The following CCDC73 variants were observed in gnomAD, a reference collection of about 807,000 sequenced individuals.
The protein encoded by CCDC73 is coiled-coil domain-containing protein 73.
A neutral mutation model predicts 116.5 loss-of-function variants in CCDC73; 95 were observed. The ratio of observed to expected loss-of-function variants is 0.82; its 90% confidence interval spans 0.69 to 0.97. The LOEUF is 0.97. Ranked by LOEUF, CCDC73 falls within the 50% of genes least tolerant of loss-of-function variation. The pLI is 0.00. For synonymous variants in CCDC73, 398 were observed against 401.3 expected, an observed-to-expected ratio of 0.99 and a Z score of 0.10; for missense variants, 1,066 against 1,206.8, an observed-to-expected ratio of 0.88 and a Z score of 1.73.
chr11:32,718,006 T>TG, intron 3 of CCDC73, 70 bp downstream of exon 3: 2 of 1,053,034 alleles, frequency 1.9e-6, no homozygotes, highest in Admixed American at 2.1e-5. Context: ...CCTTGACACG[T>TG]GGGGGTTACG....
intron 6 of CCDC73, among the ~76,000 whole-genome samples, chr11:32,694,255 T>C (rs769230839): frequency 2.6e-5 from 4 of 152,120 alleles, no homozygotes; most frequent in Non-Finnish European, 4.4e-5. Context: ...ATCACAAGCA[T>C]TCCTATACAC....
Position 32,602,848 on chromosome 11 carries a change from GCTTTT to G in CCDC73, c.3198_3202del (p.Arg1066SerfsTer15). On this transcript the variant is annotated frameshift_variant, in exon 18 of 18. Transcript: ENST00000335185. LOFTEE classifies it high-confidence loss of function. ...GTTGTTTTTTTCCAACGTCTCTTCTGCTTTTCTTTTCTTTGGCTGGTTGTCATTTT... is the reference window on the plus strand; with the variant it reads ...GTTGTTTTTTTCCAACGTCTCTTCTGCTTTTCTTTGGCTGGTTGTCATTTT... 1 of 1,608,500 alleles carries G rather than the reference GCTTTT, an allele frequency of 6.2e-7. No individual in the cohort carries two copies. The highest frequency in any genetic ancestry group is 8.5e-7 in the Non-Finnish European group (1 of 1,177,708).
chr11:32,692,254 T>C (rs1590597167), intron 6 of CCDC73, among the ~76,000 whole-genome samples: 1 of 152,200 alleles, frequency 6.6e-6, no homozygotes, highest in East Asian at 1.9e-4. Context: ...TTGAGAAGGA[T>C]GCATTTTTCA....
chr11:32,606,609 A>G (rs1444070087), intron 17 of CCDC73, among the ~76,000 whole-genome samples: 1 of 152,184 alleles, frequency 6.6e-6, no homozygotes, highest in Admixed American at 6.5e-5. Context: ...AATCTTTCAG[A>G]AGAAACATTT....
intron 1 of CCDC73, among the ~76,000 whole-genome samples, chr11:32,763,131 C>G (rs1230769743): frequency 6.6e-6 from 1 of 152,242 alleles, no homozygotes; most frequent in African/African-American, 2.4e-5. Context: ...CACCGTCGCT[C>G]AAGGAGGCCT....
chr11:32,732,330 T>A (rs569390834), intron 2 of CCDC73, among the ~76,000 whole-genome samples: 99 of 152,292 alleles, frequency 6.5e-4, no homozygotes, highest in Admixed American at 1.2e-3. Flanking sequence ...TGGAACCAAG[T>A]TGGAAAACAC....
At chr11:32,669,038 T>C (rs1188721331) in intron 9 of CCDC73, among the ~76,000 whole-genome samples, 1 of 152,178 alleles carries the variant, frequency 6.6e-6, no homozygotes, top group Non-Finnish European at 1.5e-5. Flanking sequence ...AAATAACTTA[T>C]TGAATTCATA....
chr11:32,805,439 T>C, the CCDC73 span, among the ~76,000 whole-genome samples: 1 of 152,282 alleles, frequency 6.6e-6, no homozygotes, highest in South Asian at 2.1e-4. Flanking sequence ...AGGAAAAGGA[T>C]GAAAGAGCTC....
intron 9 of CCDC73, among the ~76,000 whole-genome samples, chr11:32,657,413 A>C: frequency 6.6e-6 from 1 of 152,338 alleles, no homozygotes; most frequent in Non-Finnish European, 1.5e-5. Context: ...AAAGAGAACA[A>C]TTAGTATATA....
chr11:32,742,035 C>T (rs2133357807), intron 2 of CCDC73, among the ~76,000 whole-genome samples: 2 of 152,246 alleles, frequency 1.3e-5, no homozygotes, highest in Middle Eastern at 6.8e-3. Context: ...ATATGTGCCA[C>T]ATTTTCTTAA....
chr11:32,636,019 T>A (rs936696000), intron 13 of CCDC73, among the ~76,000 whole-genome samples, 189 bp from the exon 14 acceptor site: 1 of 152,118 alleles, frequency 6.6e-6, no homozygotes. Flanking sequence ...AACTGCATAC[T>A]CAGCAAAACC....
chr11:32,722,797 T>C (rs976615745), intron 2 of CCDC73, among the ~76,000 whole-genome samples: 1 of 152,164 alleles, frequency 6.6e-6, no homozygotes, highest in African/African-American at 2.4e-5. Flanking sequence ...GATCTAGATA[T>C]TGTTCTAAGT....
At chr11:32,707,898 T>C (rs146506939) in intron 3 of CCDC73, among the ~76,000 whole-genome samples, 38 of 152,308 alleles carry the variant, frequency 2.5e-4, no homozygotes, top group African/African-American at 8.9e-4. Flanking sequence ...TGCTCAATAA[T>C]GGAACATCTC....
intron 9 of CCDC73, 43 bp downstream of exon 9, chr11:32,675,522 A>G (rs1311849235): frequency 8.2e-7 from 1 of 1,226,604 alleles, no homozygotes; most frequent in Non-Finnish European, 1.2e-6. Flanking sequence ...ACTATTTTAT[A>G]TTATAATTTT....
intron 1 of CCDC73, among the ~76,000 whole-genome samples, chr11:32,762,089 C>T (rs891421438): frequency 2.0e-5 from 3 of 152,138 alleles, no homozygotes; most frequent in Non-Finnish European, 4.4e-5. Flanking sequence ...TGCTGTTTGA[C>T]CCAATATCTG....
intron 7 of CCDC73, among the ~76,000 whole-genome samples, chr11:32,679,416 T>C (rs888856781): frequency 6.6e-6 from 1 of 152,110 alleles, no homozygotes; most frequent in Admixed American, 6.6e-5. Flanking sequence ...CAGGGTGGAG[T>C]GCTGTGGCAC....
At chr11:32,708,633 A>G (rs544815084) in intron 3 of CCDC73, among the ~76,000 whole-genome samples, 1 of 152,004 alleles carries the variant, frequency 6.6e-6, no homozygotes, top group South Asian at 2.1e-4. Flanking sequence ...TTGGTTAGGT[A>G]TATTCCTATG....
At chr11:32,801,588 C>T in the CCDC73 span, among the ~76,000 whole-genome samples, 21 of 151,056 alleles carry the variant, frequency 1.4e-4, no homozygotes, top group Non-Finnish European at 2.2e-4. Context: ...TTGTGGTGAG[C>T]GGCAATCGCA....
chr11:32,715,474 A>G (rs1386476956), intron 3 of CCDC73, among the ~76,000 whole-genome samples: 1 of 149,096 alleles, frequency 6.7e-6, no homozygotes, highest in Non-Finnish European at 1.5e-5. Context: ...TTATGATCCA[A>G]CAAAAGGAAA....
Sources: gnomAD v4.1 joint callset for allele counts (sites outside exome capture counted in the v4.1 genomes callset) on GRCh38, gnomAD v4.1.1 for gene constraint, MANE v1.5 for transcripts, NCBI Gene and HGNC (gene_info 2026-07-23, HGNC 2026-07-21) for gene names.